The following COL9A3 variants were observed in gnomAD, a reference collection of about 807,000 sequenced individuals.
COL9A3 encodes collagen alpha-3(IX) chain.
Under a neutral mutation model 110.2 loss-of-function variants are expected in COL9A3, and 82 were observed. The observed-to-expected ratio is 0.74, with a 90% CI of 0.62 to 0.89. COL9A3 has a LOEUF of 0.89. Ranked by LOEUF, COL9A3 falls within the 40% of genes least tolerant of loss-of-function variation. COL9A3 has a pLI of 0.00. For missense variants in COL9A3, 1,066 were observed against 981.3 expected, an observed-to-expected ratio of 1.09 and a Z score of -1.15; for synonymous variants, 494 against 403.8, an observed-to-expected ratio of 1.22 and a Z score of -2.68.
rs1063247 is a variant in COL9A3, at chr20:62,840,766, C to G, written c.*34C>G. The G allele has an allele frequency of 1.1e-5, 14 of 1,307,588 alleles. No homozygotes were observed. In the East Asian group the frequency reaches 4.0e-4, roughly 37 times the overall value. The allele number at this position is 1,307,588 out of a possible 1,614,324, so 81.0% of individuals were successfully genotyped here. ...GTGAGGAAGCAAGTGACAAGGACGC[C>G]CGAAGCACAGTGGACGGTCATGAAG... is the stretch of plus-strand genomic sequence containing the variant. On this transcript the variant is annotated 3_prime_UTR_variant, in exon 32 of 32. Transcript: ENST00000649368.
chr20:62,825,827 G>GC lies in COL9A3; in HGVS notation c.647dup (p.Gly217TrpfsTer50), dbSNP rs2147208658. 1 of 1,554,320 alleles carries GC rather than the reference G, an allele frequency of 6.4e-7. No individual in the cohort carries two copies. The highest frequency in any genetic ancestry group is 8.7e-7 in the Non-Finnish European group (1 of 1,148,794). On this transcript the variant is annotated frameshift_variant, in exon 13 of 32. Coordinates refer to ENST00000649368, the MANE Select transcript of COL9A3 (RefSeq NM_001853.4). LOFTEE classifies it high-confidence loss of function. ...TCCCCTCTGTTTCAGGGTGACCCTG[G>GC]CCCCCCTGGGCCCGCCGGCCTCCCG...
At chr20:62,840,039 G>A (rs193132247) in intron 31 of COL9A3, among the ~76,000 whole-genome samples, 25 of 152,166 alleles carry the variant, frequency 1.6e-4, no homozygotes, top group African/African-American at 3.6e-4. Flanking sequence ...GCAGCCTCCC[G>A]GCCGCACCAT....
intron 12 of COL9A3, chr20:62,825,359 T>C (rs1246440766): frequency 9.2e-6 from 3 of 325,056 alleles, no homozygotes; most frequent in Non-Finnish European, 1.7e-5. Context: ...TTTGTGTCTG[T>C]GGCCGGGGCG....
intron 6 of COL9A3, 64 bp from the exon 7 acceptor site, chr20:62,821,443 G>C: frequency 6.2e-7 from 1 of 1,606,840 alleles, no homozygotes; most frequent in South Asian, 1.1e-5. Flanking sequence ...AGCCATCTTA[G>C]GGAGGGGTGA....
chr20:62,836,532 G>A lies in COL9A3; in HGVS notation c.1603G>A (p.Glu535Lys), dbSNP rs758866299. ...GGAGCTGTGTGGGGGGATGATCAGC[G>A]GTAAGTCAGCCACGTGCACCGGCTG... Reference protein sequence around the residue: ...IRELCGGMISEQIAQLAAHLR... With the variant: ...IRELCGGMISKQIAQLAAHLR... Residue 535 changes from glutamate (E) to lysine (K), a missense_variant and splice_region_variant, in exon 29 of 32, where the codon GAA becomes AAA. Glu to Lys is a moderately conservative substitution (Grantham distance 56). Transcript: ENST00000649368. The A allele has an allele frequency of 2.5e-6, 4 of 1,609,876 alleles. No homozygotes were observed. Among genetic ancestry groups the A allele is most frequent in the East Asian group, 2.2e-5 (1 of 44,722 alleles).
At chr20:62,818,418 C>T in intron 2 of COL9A3, 100 bp from the exon 3 acceptor site, 1 of 1,188,008 alleles carries the variant, frequency 8.4e-7, no homozygotes, top group Admixed American at 1.7e-5. Flanking sequence ...GGCTGGGCCT[C>T]TGGGGCTGAT....
chr20:62,821,083 C>T (rs1327211296), intron 5 of COL9A3, 98 bp from the exon 6 acceptor site: 1 of 1,271,968 alleles, frequency 7.9e-7, no homozygotes, highest in African/African-American at 1.5e-5. Flanking sequence ...ACCCTGTTGT[C>T]CTGGGAGTTG....
intron 24 of COL9A3, chr20:62,831,386 C>T (rs1322171652): frequency 1.3e-5 from 2 of 152,582 alleles, no homozygotes; most frequent in East Asian, 3.8e-4. Flanking sequence ...CTCTGCTGGG[C>T]AGACAGACCC....
chr20:62,817,142 G>C lies in COL9A3; in HGVS notation c.78G>C (p.Gln26His). ...LGELLAAAGA[Q>H]RVGLPGPPGP... is the part of the protein sequence containing the mutation. ...AGCTTCTGGCGGCCGCCGGGGCGCA[G>C]GTGAGCGCGAGCTCCGGGCTCTGAG... The change falls in exon 1 of 32, where the codon CAG becomes CAC. Residue 26 changes from glutamine (Q) to histidine (H), a missense_variant and splice_region_variant. Gln to His is a conservative substitution (Grantham distance 24). Transcript: ENST00000649368. The C allele has an allele frequency of 7.2e-7, 1 of 1,394,816 alleles. No individual in the cohort carries two copies. The allele number at this position is 1,394,816 out of a possible 1,614,324, so 86.4% of individuals were successfully genotyped here.
chr20:62,827,796 G>T (rs2063565765), intron 16 of COL9A3, 127 bp from the exon 17 acceptor site: 2 of 932,162 alleles, frequency 2.1e-6, no homozygotes, highest in Non-Finnish European at 3.5e-6. Flanking sequence ...CCCCAGGGTG[G>T]TGGTCGGGGG....
intron 5 of COL9A3, among the ~76,000 whole-genome samples, chr20:62,820,359 A>T (rs1021009762): frequency 6.0e-4 from 91 of 152,126 alleles, no homozygotes; most frequent in African/African-American, 2.1e-3. Context: ...CCTGTTGGAC[A>T]CTGAATCCTT....
intron 6 of COL9A3, 133 bp downstream of exon 6, chr20:62,821,349 G>T (rs974726799): frequency 7.6e-7 from 1 of 1,317,054 alleles, no homozygotes; most frequent in African/African-American, 1.5e-5. Context: ...CCGGAGGCTG[G>T]TGCCTGGATG....
chr20:62,837,108 C>G lies in COL9A3; in HGVS notation c.1629C>G (p.His543Gln). The G allele has an allele frequency of 6.2e-7, 1 of 1,613,532 alleles. No individual in the cohort carries two copies. The highest frequency in any genetic ancestry group is 8.5e-7 in the Non-Finnish European group (1 of 1,180,020). ...AACAAATTGCACAGTTAGCCGCGCACCTAAGGAAGCCTTTGGCACCCGGGT... is the reference window on the plus strand; with the variant it reads ...AACAAATTGCACAGTTAGCCGCGCAGCTAAGGAAGCCTTTGGCACCCGGGT... Reference protein sequence around the residue: ...ISEQIAQLAAHLRKPLAPGSI... With the variant: ...ISEQIAQLAAQLRKPLAPGSI... The change falls in exon 30 of 32, where the codon CAC (histidine) becomes CAG (glutamine). Residue 543 changes from histidine to glutamine, a missense_variant. Transcript: ENST00000649368.
intron 16 of COL9A3, 29 bp downstream of exon 16, chr20:62,827,323 G>A: frequency 6.2e-7 from 1 of 1,610,138 alleles, no homozygotes; most frequent in Non-Finnish European, 8.5e-7. Flanking sequence ...GGTTCCCTGG[G>A]TCCTTATGTG....
chr20:62,824,962 T>C lies in COL9A3; in HGVS notation c.577-6T>C. 6.2e-7 allele frequency: 1 copy of C among 1,608,770 alleles called. No individual in the cohort carries two copies. Among genetic ancestry groups the C allele is most frequent in the East Asian group, 2.2e-5 (1 of 44,600 alleles). ...GGTGGGGCAGTGACCCCACATTTGCTTGCAGGGACCCACTGGCTACAAAGG... is the reference window on the plus strand; with the variant it reads ...GGTGGGGCAGTGACCCCACATTTGCCTGCAGGGACCCACTGGCTACAAAGG... On this transcript the variant is annotated splice_polypyrimidine_tract_variant and splice_region_variant and intron_variant, in intron 11 of 31. Transcript: ENST00000649368.
chr20:62,832,555 T>G (rs1187168713), intron 25 of COL9A3, among the ~76,000 whole-genome samples: 2 of 152,242 alleles, frequency 1.3e-5, no homozygotes, highest in Non-Finnish European at 2.9e-5. Flanking sequence ...TCCGGAGAAC[T>G]GACAGAGGGC....
chr20:62,829,505 T>G lies in COL9A3; in HGVS notation c.1053+6T>G. 6.3e-7 allele frequency: 1 copy of G among 1,597,516 alleles called. No homozygotes were observed. Among genetic ancestry groups the G allele is most frequent in the Non-Finnish European group, 8.5e-7 (1 of 1,171,192 alleles). On this transcript the variant is annotated splice_donor_region_variant and intron_variant, in intron 20 of 31. Coordinates refer to ENST00000649368, the MANE Select transcript of COL9A3 (RefSeq NM_001853.4). ...AAGGCGAGAAGGGAGAACGGGTATG[T>G]GGCTGCAGCCGCTTTCTCTCTGGGA...
At position 62,832,207 on chromosome 20, in the gene COL9A3, T is replaced by C. The variant is rs1401513723; in HGVS notation, c.1323+18T>C. ...GAGACCAGGTGAGCTGGGCACAGGC[T>C]GGGGCAAAAGGAATGAAGGCAAAGC... On this transcript the variant is annotated intron_variant, in intron 25 of 31. Coordinates refer to ENST00000649368, the MANE Select transcript of COL9A3 (RefSeq NM_001853.4). 6.2e-7 allele frequency: 1 copy of C among 1,612,386 alleles called. No individual in the cohort carries two copies. The highest frequency in any genetic ancestry group is 8.5e-7 in the Non-Finnish European group (1 of 1,179,370).
At position 62,817,160 on chromosome 20, in the gene COL9A3, G is replaced by T. The variant is rs1384209686; in HGVS notation, c.78+18G>T. The stretch of plus-strand genomic sequence containing the variant: ...GGGCGCAGGTGAGCGCGAGCTCCGG[G>T]CTCTGAGGCTGGACGTGGAGCCGCG... On this transcript the variant is annotated intron_variant, in intron 1 of 31. Transcript: ENST00000649368. 4 of 1,378,492 alleles carry T rather than the reference G, an allele frequency of 2.9e-6. No individual in the cohort carries two copies. The highest frequency in any genetic ancestry group is 3.8e-6 in the Non-Finnish European group (4 of 1,059,956). The allele number at this position is 1,378,492 out of a possible 1,614,324, so 85.4% of individuals were successfully genotyped here. A position where few individuals can be genotyped will look rare whatever the true frequency, so the allele number is the denominator to read the frequency against.
Sources: gnomAD v4.1 joint callset for allele counts (sites outside exome capture counted in the v4.1 genomes callset) on GRCh38, gnomAD v4.1.1 for gene constraint, MANE v1.5 for transcripts, NCBI Gene and HGNC (gene_info 2026-07-23, HGNC 2026-07-21) for gene names.